DSCAML1: variants seen among roughly 807,000 people sequenced by gnomAD.
The protein encoded by DSCAML1 is DS cell adhesion molecule like 1, also known as cell adhesion molecule DSCAML1.
In DSCAML1, 38 loss-of-function variants were observed where a neutral mutation model predicts 200.5. The observed-to-expected ratio is 0.19, with a 90% CI of 0.15 to 0.25. The LOEUF is 0.25. Among genes scored for constraint, DSCAML1 ranks in the 10% least tolerant of loss-of-function variants. DSCAML1 has a pLI of 1.00. For missense variants in DSCAML1, 2,223 were observed against 2,858.8 expected (o/e 0.78, Z 5.07); for synonymous variants, 1,215 against 1,165.0 (o/e 1.04, Z -0.87).
At chr11:117,513,840 G>T (rs917756848) in intron 8 of DSCAML1, among the ~76,000 whole-genome samples, 3 of 151,488 alleles carry the variant, frequency 2.0e-5, no homozygotes, top group African/African-American at 7.3e-5. Flanking sequence ...TCAGTTCAAA[G>T]CACACACTGT....
intron 3 of DSCAML1, among the ~76,000 whole-genome samples, chr11:117,654,685 C>A (rs2052698593): frequency 6.6e-6 from 1 of 152,142 alleles, no homozygotes; most frequent in East Asian, 1.9e-4. Context: ...GGCTCAGAGT[C>A]CTGCAGAATG....
chr11:117,544,436 T>C (rs1475035214), intron 3 of DSCAML1, among the ~76,000 whole-genome samples: 1 of 152,216 alleles, frequency 6.6e-6, no homozygotes, highest in African/African-American at 2.4e-5. Flanking sequence ...TGATGGATAC[T>C]TCCTGGCTGG....
chr11:117,545,859 C>T (rs888027116), intron 3 of DSCAML1, among the ~76,000 whole-genome samples: 1 of 152,230 alleles, frequency 6.6e-6, no homozygotes, highest in Admixed American at 6.5e-5. Flanking sequence ...CGAAGCACAG[C>T]GTCACACAAC....
chr11:117,455,711 C>T (rs2048356431), intron 19 of DSCAML1, among the ~76,000 whole-genome samples: 1 of 152,116 alleles, frequency 6.6e-6, no homozygotes. Context: ...ACGGTGTCTT[C>T]AGATGAGGAT....
Position 117,694,267 on chromosome 11 carries a change from G to A in DSCAML1, c.511+82524C>T, listed in dbSNP as rs1219819467. On this transcript the variant is annotated intron_variant, in intron 3 of 32. Coordinates refer to ENST00000651296, the MANE Select transcript of DSCAML1 (RefSeq NM_020693.4). ...AAAATACAAAAATTAGCTGGGCGTG[G>A]TGGCAGGTGCCTGTAATCCCAGCTA... 2.6e-5 allele frequency among the ~76,000 whole-genome samples: 4 copies of A among 151,898 alleles called. No homozygotes were observed. The East Asian group carries it at 7.7e-4, about 29-fold the overall frequency.
chr11:117,485,090 T>C (rs773732968), intron 11 of DSCAML1, among the ~76,000 whole-genome samples: 51 of 152,284 alleles, frequency 3.3e-4, no homozygotes, highest in Admixed American at 1.2e-3. Context: ...TCTGGCTGGG[T>C]GCTGCCTGGT....
chr11:117,695,314 TC>T (rs2053569356), intron 3 of DSCAML1, among the ~76,000 whole-genome samples: 6 of 145,394 alleles, frequency 4.1e-5, no homozygotes, highest in East Asian at 2.0e-4. Flanking sequence ...TCTTTCTTTT[TC>T]TTTTTTTTTT....
chr11:117,625,434 A>T (rs1565834244), intron 3 of DSCAML1, among the ~76,000 whole-genome samples: 1 of 152,182 alleles, frequency 6.6e-6, no homozygotes, highest in Non-Finnish European at 1.5e-5. Context: ...GGGAGAGAAC[A>T]CTGAGCCATG....
upstream of DSCAML1, chr11:117,797,321 G>A (rs1565291309): frequency 3.9e-6 from 5 of 1,283,924 alleles, no homozygotes; most frequent in Admixed American, 4.2e-5. Context: ...GGTGGTGAGC[G>A]CCGCGCGAGC....
Position 117,524,923 on chromosome 11 carries a change from G to C in DSCAML1, c.819C>G (p.Thr273=). 6.2e-7 allele frequency: 1 copy of C among 1,613,716 alleles called. No individual in the cohort carries two copies. Among genetic ancestry groups the C allele is most frequent in the Non-Finnish European group, 8.5e-7 (1 of 1,179,914 alleles). The part of the protein sequence containing the change: ...GRPLPADSRW[T]KRITGLTISD... ...TGATGGTCAGCCCTGTGATGCGCTT[G>C]GTCCAGCGGCTGTCAGCCGGGAGGG... is the stretch of plus-strand genomic sequence containing the variant. Residue 273 remains threonine (T), a synonymous_variant, in exon 5 of 33, where the codon ACC becomes ACG. Transcript: ENST00000651296.
At chr11:117,456,429 G>A (rs1027741690) in intron 19 of DSCAML1, among the ~76,000 whole-genome samples, 9 of 152,128 alleles carry the variant, frequency 5.9e-5, no homozygotes, top group East Asian at 1.9e-4. Context: ...TAAAGTATAC[G>A]GAGACAAGAA....
chr11:117,555,814 A>G (rs935731272), intron 3 of DSCAML1, among the ~76,000 whole-genome samples: 4 of 152,034 alleles, frequency 2.6e-5, no homozygotes, highest in Admixed American at 6.6e-5. Context: ...CCCTACAGAC[A>G]TGGCAGCTTA....
In DSCAML1 at chr11:117,518,858, G is replaced by T; in HGVS notation, c.1214-96C>A. 1 of 1,370,842 alleles carries T rather than the reference G, an allele frequency of 7.3e-7. No individual in the cohort carries two copies. The highest frequency in any genetic ancestry group is 9.7e-7 in the Non-Finnish European group (1 of 1,031,666). The allele number at this position is 1,370,842 out of a possible 1,614,324, so 84.9% of individuals were successfully genotyped here. A position where few individuals can be genotyped will look rare whatever the true frequency, so the allele number is the denominator to read the frequency against. On this transcript the variant is annotated intron_variant, in intron 6 of 32. Transcript: ENST00000651296. This position sits in a 1 kb window ranked among gnomAD's most constrained non-coding sequence, Gnocchi z 6.3. ...TCAGCAGGGGAGGAGGCAAAAAGCA[G>T]CCATAAGAGCAAACAAGAACTTTTG...
chr11:117,810,270 C>A (rs2055750253), intron 1 of DSCAML1, among the ~76,000 whole-genome samples: 1 of 151,258 alleles, frequency 6.6e-6, no homozygotes, highest in East Asian at 1.9e-4. Flanking sequence ...AACTCCAGCG[C>A]CCTCTGGGGG....
chr11:117,581,638 G>C (rs1253901979), intron 3 of DSCAML1, among the ~76,000 whole-genome samples: 1 of 152,122 alleles, frequency 6.6e-6, no homozygotes, highest in Non-Finnish European at 1.5e-5. Context: ...AGATCCATGC[G>C]TTACTTTTAC....
chr11:117,740,242 T>C (rs1482070167), intron 3 of DSCAML1, among the ~76,000 whole-genome samples: 2 of 152,176 alleles, frequency 1.3e-5, no homozygotes, highest in Admixed American at 1.3e-4. Context: ...TTAAGCCCAT[T>C]TTACTGATGA....
chr11:117,483,013 T>C (rs1844913516), intron 11 of DSCAML1, among the ~76,000 whole-genome samples: 1 of 152,046 alleles, frequency 6.6e-6, no homozygotes, highest in African/African-American at 2.4e-5. Flanking sequence ...ACTGAGAAAA[T>C]CACCACCAAA....
chr11:117,558,304 G>C (rs969381726), intron 3 of DSCAML1, among the ~76,000 whole-genome samples: 1 of 152,246 alleles, frequency 6.6e-6, no homozygotes, highest in Non-Finnish European at 1.5e-5. Context: ...GGCCTGCCAG[G>C]GTCCCCCAAA....
intron 15 of DSCAML1, among the ~76,000 whole-genome samples, chr11:117,471,084 T>C (rs2048676549): frequency 6.6e-6 from 1 of 152,210 alleles, no homozygotes; most frequent in Non-Finnish European, 1.5e-5. Flanking sequence ...TCTGCCATGC[T>C]GGCTAATGGA....
Sources: gnomAD v4.1 joint callset for allele counts (sites outside exome capture counted in the v4.1 genomes callset) on GRCh38, gnomAD v4.1.1 for gene constraint, Gnocchi (gnomAD v3.1) non-coding constraint, MANE v1.5 for transcripts, NCBI Gene and HGNC (gene_info 2026-07-23, HGNC 2026-07-21) for gene names.